The following KIF21B variants were observed in gnomAD, a reference collection of about 807,000 sequenced individuals.
KIF21B encodes the protein kinesin-like protein KIF21B.
In KIF21B, 85 loss-of-function variants were observed where a neutral mutation model predicts 192.9. The ratio of observed to expected loss-of-function variants is 0.44; its 90% CI spans 0.37 to 0.53. The LOEUF is 0.53. Ranked by LOEUF, KIF21B falls within the 20% of genes least tolerant of loss-of-function variation. KIF21B has a pLI of 0.00. For missense variants in KIF21B, 1,716 were observed against 2,194.8 expected, an observed-to-expected ratio of 0.78 and a Z score of 4.36; for synonymous variants, 832 against 884.6, an observed-to-expected ratio of 0.94 and a Z score of 1.05.
rs139786030 is a variant in KIF21B, at chr1:201,000,170, G to C, written c.1686-206C>G. On this transcript the variant is annotated intron_variant, in intron 11 of 34. Coordinates refer to ENST00000461742, the MANE Select transcript of KIF21B (RefSeq NM_001252102.2). The surrounding 1 kb of genome is among the most constrained non-coding windows in gnomAD (Gnocchi z 6.0). ...CAGCTCAGTCCTTCCTCTCCTTGGG[G>C]GAAAGCAGATGGCATAGGAGAACGT... Among the ~76,000 whole-genome samples the C allele has an allele frequency of 2.9e-3, 440 of 152,286 alleles. 1 individual carries two copies. The highest frequency in any genetic ancestry group is 9.7e-3 in the African/African-American group (404 of 41,558).
In KIF21B at chr1:200,970,519, G is replaced by A. The variant is rs1379777344; in HGVS notation, c.*3002C>T. 1.3e-5 allele frequency: 2 copies of A among 152,468 alleles called. No individual in the cohort carries two copies. Among genetic ancestry groups the A allele is most frequent in the East Asian group, 3.7e-4 (2 of 5,336 alleles). 9.4% of individuals were successfully genotyped at this position (152,468 alleles called of 1,614,324 possible). A position where few individuals can be genotyped will look rare whatever the true frequency, so the allele number is the denominator to read the frequency against. On this transcript the variant is annotated 3_prime_UTR_variant, in exon 35 of 35. Transcript: ENST00000461742. Reference sequence around the variant, plus strand: ...CAAGGCAACTCCATGCGCTGCCTTTGAGAGTTCTGGCTGCTTCAGAAGAGT... The same window carrying A: ...CAAGGCAACTCCATGCGCTGCCTTTAAGAGTTCTGGCTGCTTCAGAAGAGT...
rs1180832159 is a variant in KIF21B, at chr1:200,977,368, C to G, written c.4169G>C (p.Gly1390Ala). 1 of 1,613,874 alleles carries G rather than the reference C, an allele frequency of 6.2e-7. No homozygotes were observed. The highest frequency in any genetic ancestry group is 1.3e-5 in the African/African-American group (1 of 75,058). ...ACAGGCATCCCCTGAGATCACCTGG[C>G]CCGAGGACCTGCCCATCGGAGAAAG... ...AKCIRTLTSS[G>A]QVISGDACAA... is the part of the protein sequence containing the mutation. The change falls in exon 31 of 35, where the codon GGC (glycine) becomes GCC (alanine). Residue 1390 changes from glycine (G) to alanine (A), a missense_variant. Coordinates refer to ENST00000461742, the MANE Select transcript of KIF21B (RefSeq NM_001252102.2).
chr1:200,998,355 G>A lies in KIF21B; in HGVS notation c.2077+29C>T, dbSNP rs139661303. 1.3e-3 allele frequency: 2,054 copies of A among 1,591,692 alleles called. 41 individuals are homozygous for A. The East Asian group carries it at 0.041, about 32-fold the overall frequency. On this transcript the variant is annotated intron_variant, in intron 14 of 34. Transcript: ENST00000461742. This position sits in a 1 kb window ranked among gnomAD's most constrained non-coding sequence, Gnocchi z 4.3. Reference sequence around the variant, plus strand: ...CTCAGGGAAAAGGGAGGGTCCGGATGGGGTGGAGGGGCATGGCGGTGGCCT... The same window carrying A: ...CTCAGGGAAAAGGGAGGGTCCGGATAGGGTGGAGGGGCATGGCGGTGGCCT...
At chr1:200,981,243 A>C in intron 28 of KIF21B, 147 bp from the exon 29 acceptor site, 1 of 789,328 alleles carries the variant, frequency 1.3e-6, no homozygotes, top group East Asian at 3.1e-5. Flanking sequence ...GCCAAATTCC[A>C]CCAAGGTCTG....
Position 200,975,794 on chromosome 1 carries a change from G to A in KIF21B, c.4444-125C>T, listed in dbSNP as rs1304643610. 5.3e-6 allele frequency: 5 copies of A among 942,088 alleles called. No homozygotes were observed. The African/African-American group carries it at 8.3e-5, about 16-fold the overall frequency. The allele number at this position is 942,088 out of a possible 1,614,324, so 58.4% of individuals were successfully genotyped here. ...CTAGGGTGACAGCCACTGCCCTCTG[G>A]GGAGAGGAGCTTCCCAGCAGGCGAG... On this transcript the variant is annotated intron_variant, in intron 32 of 34. Transcript: ENST00000461742. This position sits in a 1 kb window ranked among gnomAD's most constrained non-coding sequence, Gnocchi z 4.3.
intron 15 of KIF21B, among the ~76,000 whole-genome samples, chr1:200,994,376 TCA>T (rs1272212328): frequency 2.0e-5 from 3 of 152,154 alleles, no homozygotes; most frequent in East Asian, 1.9e-4. Context: ...GCACTGGCTC[TCA>T]CAGTGTCTGA....
chr1:200,996,411 C>A lies in KIF21B; in HGVS notation c.2078-16G>T, dbSNP rs201252641. ...TCCATGGTGCCTGAGAGCAAGGAGA[C>A]GCAGCTGTCGGTGCTGGGTCCCTAA... On this transcript the variant is annotated splice_polypyrimidine_tract_variant and intron_variant, in intron 14 of 34. Transcript: ENST00000461742. 5.0e-6 allele frequency: 8 copies of A among 1,611,916 alleles called. No homozygotes were observed. Among genetic ancestry groups the A allele is most frequent in the Admixed American group, 1.7e-5 (1 of 59,992 alleles).
At chr1:200,981,245 C>A in intron 28 of KIF21B, 149 bp from the exon 29 acceptor site, 2 of 776,684 alleles carry the variant, frequency 2.6e-6, no homozygotes, top group Non-Finnish European at 3.8e-6. Context: ...CAAATTCCAC[C>A]AAGGTCTGAG....
In KIF21B at chr1:200,998,489, G is replaced by T; in HGVS notation, c.1972C>A (p.Arg658=). Residue 658 remains arginine, a synonymous_variant, in exon 14 of 35, where the codon CGG becomes AGG. Coordinates refer to ENST00000461742, the MANE Select transcript of KIF21B (RefSeq NM_001252102.2). The surrounding 1 kb of genome is among the most constrained non-coding windows in gnomAD (Gnocchi z 4.3). ...TGGTGCTTGAGCGTCTGCAACCGCCGCTGGCTGTTCTCCAGCTCGTCGATC... is the reference window on the plus strand; with the variant it reads ...TGGTGCTTGAGCGTCTGCAACCGCCTCTGGCTGTTCTCCAGCTCGTCGATC... ...KLIDELENSQ[R]RLQTLKHQYE... The T allele has an allele frequency of 6.2e-7, 1 of 1,613,988 alleles. No individual in the cohort carries two copies. The highest frequency in any genetic ancestry group is 1.1e-5 in the South Asian group (1 of 91,084).
chr1:200,991,101 C>G lies in KIF21B; in HGVS notation c.2503G>C (p.Gly835Arg). The change falls in exon 18 of 35, where the codon GGG becomes CGG. Residue 835 changes from glycine (G) to arginine (R), a missense_variant. Physicochemically the swap from Gly to Arg is moderately radical, Grantham distance 125 (BLOSUM62 -2). Coordinates refer to ENST00000461742, the MANE Select transcript of KIF21B (RefSeq NM_001252102.2). ...LAKPMSERVA[G>R]RAGLKPPMLD... The stretch of plus-strand genomic sequence containing the variant: ...ATGGGTGGCTTTAGTCCTGCACGCC[C>G]TGCCACCCGCTCAGACATGGGCTTG... 1 of 1,613,924 alleles carries G rather than the reference C, an allele frequency of 6.2e-7. No homozygotes were observed. Among genetic ancestry groups the G allele is most frequent in the South Asian group, 1.1e-5 (1 of 91,082 alleles).
intron 1 of KIF21B, among the ~76,000 whole-genome samples, chr1:201,014,901 G>A (rs979487899): frequency 3.3e-5 from 5 of 152,224 alleles, no homozygotes; most frequent in African/African-American, 1.2e-4. Flanking sequence ...CAAATATGGT[G>A]CATGATCTGT....
rs572500982 is a variant in KIF21B, at chr1:201,012,052, G to A, written c.42-2564C>T. Among the ~76,000 whole-genome samples, 3 of 152,306 alleles carry A rather than the reference G, an allele frequency of 2.0e-5. No individual in the cohort carries two copies. The South Asian group carries it at 6.2e-4, about 32-fold the overall frequency. ...GTGGGCAGAACAGTCTGGGGGAGAG[G>A]ATATAGAGGAGGAGACCCCAGGGTT... On this transcript the variant is annotated intron_variant, in intron 1 of 34. Transcript: ENST00000461742.
In KIF21B at chr1:200,976,455, A is replaced by G. The variant is rs142580551; in HGVS notation, c.4443+321T>C. Among the ~76,000 whole-genome samples, 173 of 152,316 alleles carry G rather than the reference A, an allele frequency of 1.1e-3. 1 individual carries two copies. The highest frequency in any genetic ancestry group is 4.1e-3 in the African/African-American group (169 of 41,570). On this transcript the variant is annotated intron_variant, in intron 32 of 34. Transcript: ENST00000461742. Reference sequence around the variant, plus strand: ...CAATGGCATAATCAGAGAGCAAACAAATTAGTGTTTGTATACTTCATGTTT... The same window carrying G: ...CAATGGCATAATCAGAGAGCAAACAGATTAGTGTTTGTATACTTCATGTTT...
intron 27 of KIF21B, among the ~76,000 whole-genome samples, chr1:200,983,302 G>C (rs1217735169): frequency 5.9e-5 from 9 of 152,090 alleles, no homozygotes; most frequent in East Asian, 1.9e-4. Flanking sequence ...CCCAGGAGTG[G>C]GCTGCCAGGG....
intron 1 of KIF21B, among the ~76,000 whole-genome samples, chr1:201,020,024 T>C (rs569428631): frequency 6.6e-6 from 1 of 152,150 alleles, no homozygotes; most frequent in South Asian, 2.1e-4. Context: ...GTCCCTTGGG[T>C]CCCTTGGATC....
chr1:200,988,861 G>T lies in KIF21B; in HGVS notation c.3203C>A (p.Ala1068Glu). The T allele has an allele frequency of 6.2e-7, 1 of 1,613,096 alleles. No homozygotes were observed. The highest frequency in any genetic ancestry group is 1.3e-5 in the African/African-American group (1 of 75,020). Residue 1068 changes from alanine to glutamate, a missense_variant, in exon 22 of 35, where the codon GCA becomes GAA. Physicochemically the swap from Ala to Glu is moderately radical, Grantham distance 107. Coordinates refer to ENST00000461742, the MANE Select transcript of KIF21B (RefSeq NM_001252102.2). ...GAGCAGATGGTTCTGGGAGGAGCCT[G>T]CCATATCCGTCTGCCTCAGTCGGCC... is the stretch of plus-strand genomic sequence containing the variant. The part of the protein sequence containing the change: ...LEGRLRQTDM[A>E]GSSQNHLLLD...
In KIF21B at chr1:200,999,935, G is replaced by T. The variant is rs746870457; in HGVS notation, c.1715C>A (p.Ala572Glu). 3.5e-5 allele frequency: 57 copies of T among 1,613,940 alleles called. No homozygotes were observed. The East Asian group carries it at 1.2e-3, about 35-fold the overall frequency. ...CTCGCTGTTCTCCTGTTGGAGTTTT[G>T]CCCTCTTTTTGAAGGCTTCCTTCTC... Reference protein sequence around the residue: ...SPEKEAFKKRAKLQQENSEET... With the variant: ...SPEKEAFKKREKLQQENSEET... The change falls in exon 12 of 35, where the codon GCA becomes GAA. Residue 572 changes from alanine (A) to glutamate (E), a missense_variant. Coordinates refer to ENST00000461742, the MANE Select transcript of KIF21B (RefSeq NM_001252102.2). This position sits in a 1 kb window ranked among gnomAD's most constrained non-coding sequence, Gnocchi z 4.7.
rs1407223442 is a variant in KIF21B, at chr1:201,000,683, G to A, written c.1466+34C>T. ...TGGCGTCACCTGGCCGAGGCCCCCA[G>A]CCCGCGCACACCTGCCGGAGCTCAC... On this transcript the variant is annotated intron_variant, in intron 10 of 34. Coordinates refer to ENST00000461742, the MANE Select transcript of KIF21B (RefSeq NM_001252102.2). This position sits in a 1 kb window ranked among gnomAD's most constrained non-coding sequence, Gnocchi z 6.0. 6.2e-7 allele frequency: 1 copy of A among 1,613,756 alleles called. No homozygotes were observed. The highest frequency in any genetic ancestry group is 2.2e-5 in the East Asian group (1 of 44,900).
At chr1:201,002,438 C>A in intron 8 of KIF21B, 88 bp from the exon 9 acceptor site, 1 of 1,217,300 alleles carries the variant, frequency 8.2e-7, no homozygotes, top group Non-Finnish European at 1.2e-6. Flanking sequence ...CCTCTGCCAG[C>A]GCCCTGGCCT....
Sources: gnomAD v4.1 joint callset for allele counts (sites outside exome capture counted in the v4.1 genomes callset) on GRCh38, gnomAD v4.1.1 for gene constraint, Gnocchi (gnomAD v3.1) non-coding constraint, MANE v1.5 for transcripts, NCBI Gene and HGNC (gene_info 2026-07-23, HGNC 2026-07-21) for gene names.